RTCA: variants seen among roughly 807,000 people sequenced by gnomAD.
RTCA encodes RNA terminal phosphate cyclase domain 1.
A neutral mutation model predicts 46.1 loss-of-function variants in RTCA; 37 were observed. That is an observed-to-expected ratio of 0.80 (90% CI 0.62 to 1.06). The LOEUF (loss-of-function observed/expected upper bound fraction) is 1.06, where lower values mean the gene tolerates loss of function less well. RTCA is among the 50% of genes least tolerant of loss of function. The pLI is 0.00. For synonymous variants in RTCA, 164 were observed against 158.3 expected (o/e 1.04, Z -0.27); for missense variants, 435 against 455.5 (o/e 0.95, Z 0.41).
At chr1:100,272,291 G>A (rs1408414913) in intron 4 of RTCA, among the ~76,000 whole-genome samples, 1 of 152,094 alleles carries the variant, frequency 6.6e-6, no homozygotes, top group Non-Finnish European at 1.5e-5. Context: ...CTATATGAGA[G>A]TTCCAGCTGA....
intron 10 of RTCA, among the ~76,000 whole-genome samples, chr1:100,290,615 A>G (rs1667292619): frequency 1.3e-5 from 2 of 152,112 alleles, no homozygotes; most frequent in Admixed American, 1.3e-4. Context: ...CAGAATTAAA[A>G]ATTAGCCAGG....
At chr1:100,266,444 G>A in intron 1 of RTCA, 24 bp downstream of exon 1, 1 of 1,609,170 alleles carries the variant, frequency 6.2e-7, no homozygotes, top group Non-Finnish European at 8.5e-7. Flanking sequence ...GAAGCGGCCG[G>A]GGCTGCAGCC....
rs1258814580 is a variant in RTCA, at chr1:100,268,051, T to C, written c.147-101T>C. 2.0e-6 allele frequency: 3 copies of C among 1,531,614 alleles called. No homozygotes were observed. The African/African-American group carries it at 4.1e-5, about 21-fold the overall frequency. The allele number at this position is 1,531,614 out of a possible 1,614,324, so 94.9% of individuals were successfully genotyped here. A position where few individuals can be genotyped will look rare whatever the true frequency, so the allele number is the denominator to read the frequency against. ...ATGTGGCACTTACTGTGGTTAGACC[T>C]TGCTGTTTTCTTGCCATTGCAGTTT... On this transcript the variant is annotated intron_variant, in intron 2 of 10. Coordinates refer to ENST00000370128, the MANE Select transcript of RTCA (RefSeq NM_003729.4).
At chr1:100,281,968 A>G (rs1236286170) in intron 8 of RTCA, among the ~76,000 whole-genome samples, 1 of 152,058 alleles carries the variant, frequency 6.6e-6, no homozygotes, top group Non-Finnish European at 1.5e-5. Context: ...TGCCTCCCAA[A>G]GTGCTGGGAT....
chr1:100,283,922 T>TAAAAAAAAA (rs562483681), intron 8 of RTCA, among the ~76,000 whole-genome samples: 9 of 11,146 alleles, frequency 8.1e-4, no homozygotes, highest in South Asian at 4.4e-3. Flanking sequence ...ACCTAGTCGC[T>TAAAAAAAAA]AAAAAAAAAA....
intron 10 of RTCA, among the ~76,000 whole-genome samples, chr1:100,289,419 G>A (rs1346754764): frequency 1.3e-5 from 2 of 152,090 alleles, no homozygotes; most frequent in Non-Finnish European, 2.9e-5. Flanking sequence ...CGTGATTACA[G>A]CTGTGAGCTA....
Position 100,277,290 on chromosome 1 carries a change from T to G in RTCA, c.773T>G (p.Phe258Cys), listed in dbSNP as rs2100800680. 1 of 1,612,528 alleles carries G rather than the reference T, an allele frequency of 6.2e-7. No homozygotes were observed. Among genetic ancestry groups the G allele is most frequent in the Non-Finnish European group, 8.5e-7 (1 of 1,179,452 alleles). Reference sequence around the variant, plus strand: ...GCTGAGACCTCCACTGGCTGTTTGTTTGCTGGATCATCGCTTGGTAAACGA... The same window carrying G: ...GCTGAGACCTCCACTGGCTGTTTGTGTGCTGGATCATCGCTTGGTAAACGA... ...IIAETSTGCLFAGSSLGKRGV... is the reference protein window; with the variant it reads ...IIAETSTGCLCAGSSLGKRGV... Residue 258 changes from phenylalanine to cysteine, a missense_variant, in exon 8 of 11, where the codon TTT becomes TGT. Transcript: ENST00000370128.
chr1:100,282,401 A>G (rs1007734543), intron 8 of RTCA, among the ~76,000 whole-genome samples: 1 of 152,182 alleles, frequency 6.6e-6, no homozygotes, highest in African/African-American at 2.4e-5. Flanking sequence ...CTGTTTTTCA[A>G]GGACTCACTT....
chr1:100,281,889 T>A (rs1666730852), intron 8 of RTCA, among the ~76,000 whole-genome samples: 3 of 152,146 alleles, frequency 2.0e-5, no homozygotes, highest in Non-Finnish European at 1.5e-5. Flanking sequence ...CTAATTTTTG[T>A]ATTTTTGGTA....
chr1:100,268,656 A>G (rs1321440053), intron 3 of RTCA, among the ~76,000 whole-genome samples: 1 of 152,106 alleles, frequency 6.6e-6, no homozygotes, highest in Non-Finnish European at 1.5e-5. Context: ...TGGCCTCCCA[A>G]AGTTTTGGGA....
chr1:100,278,658 C>T (rs1275874152), intron 8 of RTCA, among the ~76,000 whole-genome samples: 2 of 152,162 alleles, frequency 1.3e-5, no homozygotes, highest in African/African-American at 2.4e-5. Context: ...TTAAGCCACA[C>T]TATTACTACT....
At chr1:100,284,612 T>G (rs1666922687) in intron 8 of RTCA, among the ~76,000 whole-genome samples, 1 of 152,226 alleles carries the variant, frequency 6.6e-6, no homozygotes, top group Non-Finnish European at 1.5e-5. Context: ...CAGGCTGGCC[T>G]CAAACTCCTG....
At chr1:100,273,520 CT>C in intron 5 of RTCA, 68 bp downstream of exon 5, 1 of 929,122 alleles carries the variant, frequency 1.1e-6, no homozygotes, top group Non-Finnish European at 1.6e-6. Flanking sequence ...AAGTTAGACC[CT>C]TAGAGAACTG....
At position 100,274,855 on chromosome 1, in the gene RTCA, A is replaced by C; in HGVS notation, c.505A>C (p.Ile169Leu). Reference protein sequence around the residue: ...GYYPKGGGEVIVRMSPVKQLN... With the variant: ...GYYPKGGGEVLVRMSPVKQLN... ...TTACCCAAAAGGGGGTGGTGAAGTGATTGTTCGAATGTCACCAGTTAAACA... is the reference window on the plus strand; with the variant it reads ...TTACCCAAAAGGGGGTGGTGAAGTGCTTGTTCGAATGTCACCAGTTAAACA... Residue 169 changes from isoleucine to leucine, a missense_variant, in exon 6 of 11, where the codon ATT becomes CTT. By Grantham distance (5) the Ile-to-Leu change is conservative. Transcript: ENST00000370128. 1 of 1,613,042 alleles carries C rather than the reference A, an allele frequency of 6.2e-7. No individual in the cohort carries two copies. Among genetic ancestry groups the C allele is most frequent in the Non-Finnish European group, 8.5e-7 (1 of 1,179,238 alleles).
intron 7 of RTCA, among the ~76,000 whole-genome samples, chr1:100,276,872 A>G (rs749964911): frequency 4.6e-5 from 7 of 152,242 alleles, no homozygotes; most frequent in Non-Finnish European, 1.0e-4. Flanking sequence ...AACACTATCT[A>G]AAAACCGTAG....
intron 5 of RTCA, among the ~76,000 whole-genome samples, chr1:100,274,018 A>G (rs1666241634): frequency 6.6e-6 from 1 of 152,140 alleles, no homozygotes; most frequent in Non-Finnish European, 1.5e-5. Context: ...TTCCTTAAAT[A>G]TGCTTTGTGC....
chr1:100,287,213 C>G lies in RTCA; in HGVS notation c.999+10C>G. On this transcript the variant is annotated intron_variant, in intron 10 of 10. Transcript: ENST00000370128. ...TGAACAAATAGCAAAGGTGAGTATTCTATCAGAAAGGGAAATTGATATTTT... is the reference window on the plus strand; with the variant it reads ...TGAACAAATAGCAAAGGTGAGTATTGTATCAGAAAGGGAAATTGATATTTT... 6.6e-7 allele frequency: 1 copy of G among 1,520,022 alleles called. No individual in the cohort carries two copies. The highest frequency in any genetic ancestry group is 2.5e-5 in the East Asian group (1 of 40,464). The allele number at this position is 1,520,022 out of a possible 1,614,324, so 94.2% of individuals were successfully genotyped here. A position where few individuals can be genotyped will look rare whatever the true frequency, so the allele number is the denominator to read the frequency against.
intron 8 of RTCA, chr1:100,281,311 G>A (rs1666692722): frequency 1.9e-6 from 1 of 533,788 alleles, no homozygotes. Flanking sequence ...GACTGAGGCA[G>A]TGTGTTATGA....
At chr1:100,283,712 C>G (rs753117800) in intron 8 of RTCA, among the ~76,000 whole-genome samples, 3 of 151,696 alleles carry the variant, frequency 2.0e-5, no homozygotes, top group Admixed American at 6.6e-5. Flanking sequence ...ATGTTTCAAA[C>G]CATTTCATTC....
Sources: allele counts gnomAD v4.1 joint callset (sites outside exome capture counted in the v4.1 genomes callset), GRCh38; gene constraint gnomAD v4.1.1; transcripts MANE v1.5; gene names NCBI Gene and HGNC (gene_info 2026-07-23, HGNC 2026-07-21).